NRXN1: variants seen among roughly 807,000 people sequenced by gnomAD.
NRXN1 encodes neurexin 1.
In NRXN1, 39 loss-of-function variants were observed where a neutral mutation model predicts 150.9. The ratio of observed to expected loss-of-function variants is 0.26; its 90% CI spans 0.20 to 0.34. NRXN1 has a LOEUF of 0.34. Among genes scored for constraint, NRXN1 ranks in the 10% least tolerant of loss-of-function variants. The pLI is 1.00. For synonymous variants in NRXN1, 924 were observed against 757.0 expected (o/e 1.22, Z -3.62); for missense variants, 1,815 against 1,949.9 (o/e 0.93, Z 1.30).
intron 21 of NRXN1, among the ~76,000 whole-genome samples, chr2:50,049,796 A>G (rs1028668363): frequency 2.0e-5 from 3 of 152,076 alleles, no homozygotes; most frequent in Non-Finnish European, 2.9e-5. Context: ...TTAGCAGCCA[A>G]AAAACTTGCA....
intron 19 of NRXN1, among the ~76,000 whole-genome samples, chr2:50,081,597 A>C (rs995185096): frequency 1.3e-5 from 2 of 152,200 alleles, no homozygotes; most frequent in Non-Finnish European, 2.9e-5. Context: ...AAGATACGAA[A>C]AGTGGGTAGA....
At chr2:50,475,030 G>A (rs1289725541) in intron 15 of NRXN1, among the ~76,000 whole-genome samples, 6 of 151,914 alleles carry the variant, frequency 3.9e-5, no homozygotes, top group Non-Finnish European at 8.8e-5. Flanking sequence ...AGAGATTGTG[G>A]GCTGAGATTT....
intron 22 of NRXN1, among the ~76,000 whole-genome samples, chr2:49,929,438 A>G (rs1395185951): frequency 6.6e-6 from 1 of 152,208 alleles, no homozygotes; most frequent in Non-Finnish European, 1.5e-5. Flanking sequence ...GACTTTTTAC[A>G]TAGTCATTGT....
intron 5 of NRXN1, among the ~76,000 whole-genome samples, chr2:50,635,882 C>A (rs887730197): frequency 6.6e-6 from 1 of 152,118 alleles, no homozygotes. Flanking sequence ...ATGAAGGCTA[C>A]TTAAATTCTT....
At chr2:49,926,333 C>A (rs1669103626) in intron 22 of NRXN1, 1 of 398,324 alleles carries the variant, frequency 2.5e-6, no homozygotes, top group Admixed American at 4.4e-5. Context: ...CCTCTCTCTT[C>A]TAGCATTTGG....
At chr2:50,231,763 A>G (rs904699258) in intron 18 of NRXN1, among the ~76,000 whole-genome samples, 1 of 152,108 alleles carries the variant, frequency 6.6e-6, no homozygotes, top group African/African-American at 2.4e-5. Flanking sequence ...TTCTTCTGTC[A>G]GAGAGGCATT....
At chr2:50,653,822 G>T (rs1465527543) in intron 5 of NRXN1, among the ~76,000 whole-genome samples, 1 of 151,874 alleles carries the variant, frequency 6.6e-6, no homozygotes, top group Non-Finnish European at 1.5e-5. Flanking sequence ...CTAAGCTGCG[G>T]TCATTTCCTC....
At chr2:50,983,562 A>G (rs990187000) in intron 2 of NRXN1, among the ~76,000 whole-genome samples, 3 of 152,142 alleles carry the variant, frequency 2.0e-5, no homozygotes, top group African/African-American at 7.2e-5. Flanking sequence ...ACAGTTAACA[A>G]ATTGTCAGTA....
At chr2:50,045,862 T>C (rs1691724215) in intron 21 of NRXN1, among the ~76,000 whole-genome samples, 1 of 152,172 alleles carries the variant, frequency 6.6e-6, no homozygotes, top group African/African-American at 2.4e-5. Flanking sequence ...TCTCCAATGC[T>C]GATACAGAAT....
intron 17 of NRXN1, chr2:50,432,324 T>C (rs1431864590): frequency 6.6e-6 from 1 of 152,212 alleles, no homozygotes; most frequent in African/African-American, 2.4e-5. Context: ...CTGCCTTCCA[T>C]TTACCCTGCA....
intron 2 of NRXN1, among the ~76,000 whole-genome samples, chr2:50,944,870 T>C (rs950462846): frequency 6.6e-6 from 1 of 152,262 alleles, no homozygotes; most frequent in African/African-American, 2.4e-5. Context: ...CTGTAATTAA[T>C]GCATAGGAAT....
At chr2:50,131,946 T>C (rs1235619267) in intron 18 of NRXN1, among the ~76,000 whole-genome samples, 1 of 152,106 alleles carries the variant, frequency 6.6e-6, no homozygotes, top group Non-Finnish European at 1.5e-5. Context: ...AAAAAAGTTA[T>C]TTTTGTTGTG....
chr2:51,002,451 C>T (rs1700191520), intron 2 of NRXN1, among the ~76,000 whole-genome samples: 1 of 151,800 alleles, frequency 6.6e-6, no homozygotes, highest in African/African-American at 2.4e-5. Flanking sequence ...TATAGTGTAC[C>T]ATTGCTTCTG....
intron 5 of NRXN1, among the ~76,000 whole-genome samples, chr2:50,748,789 T>C (rs1700269268): frequency 1.3e-5 from 2 of 152,128 alleles, no homozygotes; most frequent in African/African-American, 4.8e-5. Flanking sequence ...AATTAACTGC[T>C]TGAGTCAAGA....
chr2:50,240,866 G>A (rs900665492), intron 17 of NRXN1, among the ~76,000 whole-genome samples: 2 of 151,618 alleles, frequency 1.3e-5, no homozygotes, highest in African/African-American at 2.4e-5. Context: ...GAGAATAGGT[G>A]TCATGTGTGA....
intron 12 of NRXN1, among the ~76,000 whole-genome samples, chr2:50,518,077 T>C (rs1214702626): frequency 6.6e-6 from 1 of 152,110 alleles, no homozygotes; most frequent in East Asian, 1.9e-4. Context: ...CAGACAAGGA[T>C]AAATATCTCT....
chr2:50,111,407 T>G (rs1032495030), intron 18 of NRXN1, among the ~76,000 whole-genome samples: 1 of 152,114 alleles, frequency 6.6e-6, no homozygotes, highest in African/African-American at 2.4e-5. Context: ...TTTTGGAGGT[T>G]GAGGCGGGCA....
At chr2:50,947,562 C>T (rs1422109400) in intron 2 of NRXN1, among the ~76,000 whole-genome samples, 1 of 151,766 alleles carries the variant, frequency 6.6e-6, no homozygotes, top group Non-Finnish European at 1.5e-5. Context: ...ATTCATGATA[C>T]ACAGACACTA....
intron 5 of NRXN1, among the ~76,000 whole-genome samples, chr2:50,656,970 T>C (rs976400637): frequency 5.9e-5 from 9 of 152,066 alleles, no homozygotes; most frequent in African/African-American, 1.7e-4. Context: ...TAATATTTTA[T>C]GTAAGTTTTC....
Sources: allele counts gnomAD v4.1 joint callset (sites outside exome capture counted in the v4.1 genomes callset), GRCh38; gene constraint gnomAD v4.1.1; transcripts MANE v1.5; gene names NCBI Gene and HGNC (gene_info 2026-07-23, HGNC 2026-07-21).